MSRB3: variants seen among roughly 807,000 people sequenced by gnomAD.
MSRB3 encodes methionine sulfoxide reductase B3.
A neutral mutation model predicts 21.0 loss-of-function variants in MSRB3; 13 were observed. That is an observed-to-expected ratio of 0.62 (90% CI 0.40 to 0.98). The LOEUF (loss-of-function observed/expected upper bound fraction) is 0.98. Among genes scored for constraint, MSRB3 ranks in the 50% least tolerant of loss-of-function variants. The pLI, the probability that MSRB3 is intolerant of heterozygous loss-of-function variation, is 0.00. For missense variants in MSRB3, 199 were observed against 230.3 expected, an observed-to-expected ratio of 0.86 and a Z score of 0.88; for synonymous variants, 87 against 88.6, an observed-to-expected ratio of 0.98 and a Z score of 0.10.
chr12:65,377,362 C>T (rs371738755), intron 5 of MSRB3, among the ~76,000 whole-genome samples: 3 of 152,180 alleles, frequency 2.0e-5, no homozygotes, highest in African/African-American at 4.8e-5. Context: ...CTCCCTGCCT[C>T]CTGGGATCAA....
chr12:65,291,357 A>T (rs1350574381), intron 1 of MSRB3, among the ~76,000 whole-genome samples: 8 of 151,836 alleles, frequency 5.3e-5, no homozygotes, highest in African/African-American at 1.9e-4. Context: ...AAGTGCTGGG[A>T]TTACAGGTCT....
At chr12:65,422,001 A>T (rs1881324422) in intron 5 of MSRB3, among the ~76,000 whole-genome samples, 1 of 152,210 alleles carries the variant, frequency 6.6e-6, no homozygotes, top group Non-Finnish European at 1.5e-5. Flanking sequence ...ACATGCAACG[A>T]CATGCATAGG....
chr12:65,368,662 T>G (rs570673342), intron 4 of MSRB3, among the ~76,000 whole-genome samples: 24 of 152,166 alleles, frequency 1.6e-4, no homozygotes, highest in Non-Finnish European at 3.4e-4. Context: ...TGAATTTGGT[T>G]TTGTATTGCT....
At chr12:65,347,709 A>G (rs1320479852) in intron 4 of MSRB3, among the ~76,000 whole-genome samples, 2 of 152,200 alleles carry the variant, frequency 1.3e-5, no homozygotes, top group African/African-American at 2.4e-5. Flanking sequence ...TCAGTATGAC[A>G]TTGCCTGTGG....
intron 4 of MSRB3, among the ~76,000 whole-genome samples, chr12:65,331,734 A>G (rs1267052826): frequency 6.6e-6 from 1 of 152,186 alleles, no homozygotes; most frequent in African/African-American, 2.4e-5. Context: ...AGAGTATGCT[A>G]CCTAAGCTGG....
intron 5 of MSRB3, among the ~76,000 whole-genome samples, chr12:65,409,913 A>T (rs1228789510): frequency 6.6e-6 from 1 of 152,140 alleles, no homozygotes; most frequent in Non-Finnish European, 1.5e-5. Flanking sequence ...CACTTTTGGT[A>T]ATTGTTGCCA....
intron 5 of MSRB3, among the ~76,000 whole-genome samples, chr12:65,390,935 C>G (rs993616056): frequency 6.6e-6 from 1 of 152,084 alleles, no homozygotes; most frequent in African/African-American, 2.4e-5. Flanking sequence ...CCTTCTACCC[C>G]CACTGTCTTT....
At chr12:65,412,191 C>T (rs1880750034) in intron 5 of MSRB3, among the ~76,000 whole-genome samples, 1 of 152,118 alleles carries the variant, frequency 6.6e-6, no homozygotes, top group Non-Finnish European at 1.5e-5. Flanking sequence ...TGACAGATTT[C>T]CTTTAAACAA....
intron 4 of MSRB3, among the ~76,000 whole-genome samples, chr12:65,351,734 A>G (rs1877010647): frequency 6.6e-6 from 1 of 151,226 alleles, no homozygotes; most frequent in Non-Finnish European, 1.5e-5. Flanking sequence ...AAATTCCTCG[A>G]CACATACACT....
At chr12:65,357,939 T>C (rs555043415) in intron 4 of MSRB3, among the ~76,000 whole-genome samples, 2 of 152,114 alleles carry the variant, frequency 1.3e-5, no homozygotes, top group South Asian at 4.1e-4. Flanking sequence ...ACATACTTTT[T>C]TCCCCTCCTT....
At chr12:65,364,634 T>C in intron 4 of MSRB3, among the ~76,000 whole-genome samples, 1 of 152,206 alleles carries the variant, frequency 6.6e-6, no homozygotes, top group Non-Finnish European at 1.5e-5. Flanking sequence ...TTATTAGATA[T>C]GTATCTTTCT....
chr12:65,300,719 C>G (rs1320491093), intron 1 of MSRB3, among the ~76,000 whole-genome samples: 1 of 152,180 alleles, frequency 6.6e-6, no homozygotes, highest in African/African-American at 2.4e-5. Flanking sequence ...TGTTTGTTCA[C>G]TGTGGTTCAG....
intron 5 of MSRB3, among the ~76,000 whole-genome samples, chr12:65,374,856 T>C (rs1021262833): frequency 2.6e-5 from 4 of 152,178 alleles, no homozygotes; most frequent in African/African-American, 9.7e-5. Context: ...AATCTTTCTT[T>C]CTTTCTTTTT....
rs560630065 is a variant in MSRB3 at position 65,440,288 on chromosome 12, C to CA, written c.293-13432dup. On this transcript the variant is annotated intron_variant, in intron 5 of 6. Transcript: ENST00000308259. ...ACTAAGTCTGGTAGCCCAGAAACCG[C>CA]AAAAAAAAGGACAGGCATATTTGAA... Among the ~76,000 whole-genome samples, 122 of 148,956 alleles carry CA rather than the reference C, an allele frequency of 8.2e-4. 1 individual carries two copies. In the South Asian group the frequency reaches 0.012, roughly 15 times the overall value.
chr12:65,308,694 G>A, intron 2 of MSRB3, 39 bp downstream of exon 2: 1 of 1,613,542 alleles, frequency 6.2e-7, no homozygotes, highest in Non-Finnish European at 8.5e-7. Flanking sequence ...AAGGCACAGG[G>A]CCAACTGGGT....
chr12:65,416,685 G>A (rs1273895781), intron 5 of MSRB3, among the ~76,000 whole-genome samples: 1 of 152,168 alleles, frequency 6.6e-6, no homozygotes, highest in Middle Eastern at 3.2e-3. Flanking sequence ...ACGTTACAAT[G>A]GCTAAGATGT....
chr12:65,444,260 A>G (rs1323722436), intron 5 of MSRB3, among the ~76,000 whole-genome samples: 3 of 152,206 alleles, frequency 2.0e-5, no homozygotes, highest in Non-Finnish European at 4.4e-5. Context: ...TTTGTGTCAA[A>G]AAGCAAAACA....
chr12:65,340,210 A>G (rs1233736512), intron 4 of MSRB3, among the ~76,000 whole-genome samples: 2 of 152,228 alleles, frequency 1.3e-5, no homozygotes, highest in Non-Finnish European at 2.9e-5. Context: ...GCAATAACTG[A>G]AAGTATAAAC....
In MSRB3 at chr12:65,368,989, T is replaced by G; in HGVS notation, c.264-9T>G. On this transcript the variant is annotated splice_polypyrimidine_tract_variant and intron_variant, in intron 4 of 6. Coordinates refer to ENST00000308259, the MANE Select transcript of MSRB3 (RefSeq NM_001031679.3). ...TTTTATATTGTAAAAACTTTCTTTC[T>G]CTTTGCAGGTCAGAAACCAAATTTG... The G allele has an allele frequency of 2.1e-6, 3 of 1,408,112 alleles. No individual in the cohort carries two copies. The African/African-American group carries it at 4.4e-5, about 21-fold the overall frequency. 87.2% of individuals were successfully genotyped at this position (1,408,112 alleles called of 1,614,324 possible). A position where few individuals can be genotyped will look rare whatever the true frequency, so the allele number is the denominator to read the frequency against.
Sources: gnomAD v4.1 joint callset for allele counts (sites outside exome capture counted in the v4.1 genomes callset) on GRCh38, gnomAD v4.1.1 for gene constraint, MANE v1.5 for transcripts, NCBI Gene and HGNC (gene_info 2026-07-23, HGNC 2026-07-21) for gene names.